The following CRADD variants were observed in gnomAD, a reference collection of about 807,000 sequenced individuals.
The protein encoded by CRADD is death domain-containing protein CRADD.
CRADD carries 9 observed loss-of-function variants against 15.5 expected under a neutral mutation model. The observed-to-expected ratio is 0.58, with a 90% CI of 0.35 to 1.01. The LOEUF is 1.01. Ranked by LOEUF, CRADD falls within the 50% of genes least tolerant of loss-of-function variation. The pLI is 0.02. For synonymous variants in CRADD, 118 were observed against 107.6 expected (o/e 1.10, Z -0.60); for missense variants, 227 against 250.3 (o/e 0.91, Z 0.63).
chr12:93,782,651 G>A (rs1957224923), intron 2 of CRADD, among the ~76,000 whole-genome samples: 1 of 149,884 alleles, frequency 6.7e-6, no homozygotes, highest in African/African-American at 2.4e-5. Flanking sequence ...TATGAATCTT[G>A]TTTGGAACTT....
At chr12:93,749,746 A>G (rs1397672669) in intron 2 of CRADD, among the ~76,000 whole-genome samples, 3 of 152,114 alleles carry the variant, frequency 2.0e-5, no homozygotes, top group African/African-American at 7.2e-5. Context: ...CAACACGCCC[A>G]TCATTTGCTG....
intron 2 of CRADD, among the ~76,000 whole-genome samples, chr12:93,794,139 G>C (rs977701606): frequency 2.0e-5 from 3 of 152,114 alleles, no homozygotes; most frequent in Non-Finnish European, 2.9e-5. Flanking sequence ...GCACCCACAT[G>C]TTCTCATTTC....
At chr12:93,788,324 G>A (rs1228553804) in intron 2 of CRADD, among the ~76,000 whole-genome samples, 2 of 152,106 alleles carry the variant, frequency 1.3e-5, no homozygotes, top group East Asian at 1.9e-4. Context: ...TCACTATTAC[G>A]AGAACAGGAT....
intron 2 of CRADD, among the ~76,000 whole-genome samples, chr12:93,750,906 T>C (rs1404124044): frequency 6.6e-6 from 1 of 152,186 alleles, no homozygotes; most frequent in Non-Finnish European, 1.5e-5. Flanking sequence ...ACAGAAAACC[T>C]GAACTTTAAT....
intron 2 of CRADD, among the ~76,000 whole-genome samples, chr12:93,797,296 A>T (rs1006790375): frequency 6.6e-6 from 1 of 152,076 alleles, no homozygotes; most frequent in African/African-American, 2.4e-5. Flanking sequence ...AATTGTGGGG[A>T]GGGTCTTGAT....
At chr12:93,799,216 G>A (rs541670418) in intron 2 of CRADD, among the ~76,000 whole-genome samples, 62 of 152,244 alleles carry the variant, frequency 4.1e-4, no homozygotes, top group Admixed American at 1.2e-3. Context: ...CTAAAACAAC[G>A]AATGTAACCT....
At chr12:93,720,345 A>T (rs2136885890) in intron 2 of CRADD, among the ~76,000 whole-genome samples, 1 of 152,248 alleles carries the variant, frequency 6.6e-6, no homozygotes, top group East Asian at 1.9e-4. Flanking sequence ...TATGGCCTAA[A>T]ATGTGGTCTA....
rs1483542156 is a variant in CRADD, at chr12:93,819,109, T to G, written c.299-30861T>G. Among the ~76,000 whole-genome samples the G allele has an allele frequency of 2.6e-5, 4 of 152,406 alleles. No individual in the cohort carries two copies. In the East Asian group the frequency reaches 7.7e-4, roughly 29 times the overall value. On this transcript the variant is annotated intron_variant, in intron 2 of 2. Transcript: ENST00000332896. ...ATTCCCAGCTGACTCATGTCACCCA[T>G]GTGGGCAGGCCTATTATCCCTACTT...
Position 93,863,993 on chromosome 12 carries a change from T to C in CRADD, c.299-30057T>C, listed in dbSNP as rs566804741. On this transcript the variant is annotated intron_variant, in intron 2 of 2. Coordinates refer to the CRADD transcript ENST00000548483. The stretch of plus-strand genomic sequence containing the variant: ...AACACCTAATACAAACTATTCTTAA[T>C]TAATGATACACACATGAAGTCGGGA... 2.0e-5 allele frequency among the ~76,000 whole-genome samples: 3 copies of C among 152,322 alleles called. No individual in the cohort carries two copies. In the South Asian group the frequency reaches 6.2e-4, roughly 32 times the overall value.
chr12:93,761,869 C>T (rs10507026), intron 2 of CRADD, among the ~76,000 whole-genome samples: 15 of 151,936 alleles, frequency 9.9e-5, no homozygotes, highest in African/African-American at 3.4e-4. Context: ...GGATTTCTTT[C>T]GATTTTTCAG....
intron 2 of CRADD, among the ~76,000 whole-genome samples, chr12:93,800,581 G>GCTCT (rs144608445): frequency 1.3e-5 from 2 of 148,890 alleles, no homozygotes; most frequent in South Asian, 2.1e-4. Context: ...ACTTACTCCT[G>GCTCT]CTCTCTCTCT....
intron 2 of CRADD, among the ~76,000 whole-genome samples, chr12:93,743,414 C>A (rs1956707384): frequency 1.3e-5 from 2 of 152,156 alleles, no homozygotes; most frequent in Non-Finnish European, 2.9e-5. Context: ...TCACTGCAAC[C>A]ACCACCTCCT....
At chr12:93,784,723 G>A (rs1957256997) in intron 2 of CRADD, among the ~76,000 whole-genome samples, 1 of 152,140 alleles carries the variant, frequency 6.6e-6, no homozygotes, top group Non-Finnish European at 1.5e-5. Flanking sequence ...GAGTCCCAGA[G>A]TGATTTACTG....
chr12:93,723,859 T>C (rs533737368), intron 2 of CRADD, among the ~76,000 whole-genome samples: 30 of 152,298 alleles, frequency 2.0e-4, no homozygotes, highest in African/African-American at 7.0e-4. Flanking sequence ...GCTGGAATTA[T>C]ATGTTTCTGT....
intron 2 of CRADD, among the ~76,000 whole-genome samples, chr12:93,893,274 C>T (rs577919672): frequency 6.6e-6 from 1 of 152,176 alleles, no homozygotes; most frequent in East Asian, 1.9e-4. Context: ...TGGTTCCTTA[C>T]CAGTTTTTGT....
In CRADD at chr12:93,864,011, A is replaced by G. The variant is rs151217189; in HGVS notation, c.299-30039A>G. ...TTCTTAATTAATGATACACACATGA[A>G]GTCGGGAAACACTGCAGCTATGGCC... On this transcript the variant is annotated intron_variant, in intron 2 of 2. Transcript: ENST00000548483. 2.5e-3 allele frequency among the ~76,000 whole-genome samples: 387 copies of G among 152,310 alleles called. 1 individual carries two copies. The highest frequency in any genetic ancestry group is 8.9e-3 in the African/African-American group (370 of 41,558).
chr12:93,778,126 T>A (rs988121691), intron 2 of CRADD, among the ~76,000 whole-genome samples: 2 of 152,224 alleles, frequency 1.3e-5, no homozygotes, highest in African/African-American at 4.8e-5. Flanking sequence ...TCTTTGTCAC[T>A]GTGTTTGATT....
At position 93,681,236 on chromosome 12, in the gene CRADD, A is replaced by T. The variant is rs555550259; in HGVS notation, c.298+2164A>T. ...TCAGAGAGTTAGAAAGAATTAAGGC[A>T]TTTTTTACAAAATGATGAGAGTTAC... On this transcript the variant is annotated intron_variant, in intron 2 of 2. Coordinates refer to ENST00000332896, the MANE Select transcript of CRADD (RefSeq NM_003805.5). Among the ~76,000 whole-genome samples the T allele has an allele frequency of 3.3e-5, 5 of 152,334 alleles. No homozygotes were observed. The South Asian group carries it at 1.0e-3, about 32-fold the overall frequency.
At chr12:93,846,153 GTC>G (rs1394577789) in intron 2 of CRADD, among the ~76,000 whole-genome samples, 2 of 152,306 alleles carry the variant, frequency 1.3e-5, no homozygotes, top group East Asian at 3.9e-4. Flanking sequence ...TCTATTGTAT[GTC>G]TCTGACATTT....
Sources: gnomAD v4.1 joint callset for allele counts (sites outside exome capture counted in the v4.1 genomes callset) on GRCh38, gnomAD v4.1.1 for gene constraint, MANE v1.5 for transcripts, NCBI Gene and HGNC (gene_info 2026-07-23, HGNC 2026-07-21) for gene names.